The following PRRC1 variants were observed in gnomAD, a reference collection of about 807,000 sequenced individuals.
PRRC1 encodes proline rich coiled-coil 1, also known as protein PRRC1.
In PRRC1, 39 loss-of-function variants were observed where a neutral mutation model predicts 40.7. The ratio of observed to expected loss-of-function variants is 0.96; its 90% confidence interval spans 0.74 to 1.25. The LOEUF (loss-of-function observed/expected upper bound fraction) is 1.25, where lower values mean the gene tolerates loss of function less well. PRRC1 is among the 50% of genes most tolerant of loss of function. The pLI is 0.00. For missense variants in PRRC1, 573 were observed against 548.3 expected, an observed-to-expected ratio of 1.05 and a Z score of -0.45; for synonymous variants, 175 against 193.3, an observed-to-expected ratio of 0.91 and a Z score of 0.79.
chr5:127,553,747 A>T lies in PRRC1; in HGVS notation c.*1831A>T. On this transcript the variant is annotated 3_prime_UTR_variant, in exon 9 of 9. Coordinates refer to ENST00000296666, the MANE Select transcript of PRRC1 (RefSeq NM_130809.5). ...TTACCAAGTCACAAATGTCTTTTTG[A>T]TGTTTTGAGAATTGTTCTCATAGAA... 6.6e-7 allele frequency: 1 copy of T among 1,516,824 alleles called. No homozygotes were observed. Among genetic ancestry groups the T allele is most frequent in the Non-Finnish European group, 8.8e-7 (1 of 1,140,988 alleles). The allele number at this position is 1,516,824 out of a possible 1,614,324, so 94.0% of individuals were successfully genotyped here.
chr5:127,522,240 A>C (rs561541021), intron 1 of PRRC1, among the ~76,000 whole-genome samples: 1 of 152,200 alleles, frequency 6.6e-6, no homozygotes, highest in Non-Finnish European at 1.5e-5. Flanking sequence ...TTTATAATCC[A>C]TTGTTGTCTA....
intron 7 of PRRC1, among the ~76,000 whole-genome samples, chr5:127,540,066 G>A (rs1768000331): frequency 6.6e-6 from 1 of 152,062 alleles, no homozygotes; most frequent in Non-Finnish European, 1.5e-5. Flanking sequence ...GAAGGTAATT[G>A]AAATGTATTC....
chr5:127,538,629 CT>C (rs1767958751), intron 6 of PRRC1, among the ~76,000 whole-genome samples: 1 of 152,016 alleles, frequency 6.6e-6, no homozygotes, highest in East Asian at 1.9e-4. Context: ...ATATGATTGC[CT>C]ACCTGAAAAA....
Position 127,551,971 on chromosome 5 carries a change from A to G in PRRC1, c.*55A>G, listed in dbSNP as rs1169660959. 1.2e-6 allele frequency: 2 copies of G among 1,608,604 alleles called. No homozygotes were observed. Among genetic ancestry groups the G allele is most frequent in the African/African-American group, 1.3e-5 (1 of 74,832 alleles). On this transcript the variant is annotated 3_prime_UTR_variant, in exon 9 of 9. Coordinates refer to ENST00000296666, the MANE Select transcript of PRRC1 (RefSeq NM_130809.5). ...TCCCCCACTTTTAGCTTGATGTTAA[A>G]GAAGTGGTTGTACCTTCCTAAATCG...
intron 7 of PRRC1, among the ~76,000 whole-genome samples, chr5:127,540,344 C>T (rs1238465081): frequency 6.6e-6 from 1 of 151,990 alleles, no homozygotes; most frequent in African/African-American, 2.4e-5. Flanking sequence ...ACTTTTAATA[C>T]TATTCACTCC....
In PRRC1 at chr5:127,533,739, CA is replaced by C; in HGVS notation, c.875del (p.Gln292ArgfsTer15). The C allele has an allele frequency of 6.2e-7, 1 of 1,614,090 alleles. No homozygotes were observed. ...AGCTGTGGTTGTAGGGGAAGCTGGA[CA>C]GTCCAATATTGCCCCACAACCAGTG... ...GLAVVVGEAGQSNIAPQPVGY... is the reference protein window; with the variant it reads ...GLAVVVGEAGXSNIAPQPVGY... On this transcript the variant is annotated frameshift_variant, in exon 6 of 9. Transcript: ENST00000296666. LOFTEE classifies it high-confidence loss of function.
At chr5:127,521,795 G>GTA (rs961511030) in intron 1 of PRRC1, among the ~76,000 whole-genome samples, 32 of 152,038 alleles carry the variant, frequency 2.1e-4, no homozygotes, top group Admixed American at 2.0e-3. Context: ...AGCTCAGTTG[G>GTA]TATATATATT....
intron 3 of PRRC1, among the ~76,000 whole-genome samples, chr5:127,526,068 T>C (rs1172329680): frequency 6.6e-6 from 1 of 152,246 alleles, no homozygotes; most frequent in Non-Finnish European, 1.5e-5. Context: ...TTATCAAAAC[T>C]TCGTCCTTGT....
Position 127,552,846 on chromosome 5 carries a change from T to C in PRRC1, c.*930T>C, listed in dbSNP as rs149665448. On this transcript the variant is annotated 3_prime_UTR_variant, in exon 9 of 9. Coordinates refer to ENST00000296666, the MANE Select transcript of PRRC1 (RefSeq NM_130809.5). Reference sequence around the variant, plus strand: ...CTCTTACTTCAATTAAGGTTACTTATTTGGTTTGCCTTAAGCATTACTTTT... The same window carrying C: ...CTCTTACTTCAATTAAGGTTACTTACTTGGTTTGCCTTAAGCATTACTTTT... 6,595 of 984,296 alleles carry C rather than the reference T, an allele frequency of 6.7e-3. 19 individuals are homozygous for C. Among genetic ancestry groups the C allele is most frequent in the Non-Finnish European group, 7.3e-3 (6,068 of 828,544 alleles). The allele number at this position is 984,296 out of a possible 1,614,324, so 61.0% of individuals were successfully genotyped here. A position where few individuals can be genotyped will look rare whatever the true frequency, so the allele number is the denominator to read the frequency against.
chr5:127,549,751 G>A (rs1768323853), intron 8 of PRRC1: 1 of 152,142 alleles, frequency 6.6e-6, no homozygotes. Context: ...ACCCATGCCA[G>A]TTTGCTTACT....
chr5:127,547,238 G>T (rs531543344), intron 7 of PRRC1, among the ~76,000 whole-genome samples: 2 of 152,022 alleles, frequency 1.3e-5, no homozygotes, highest in South Asian at 2.1e-4. Context: ...TGATATATAA[G>T]TCTCTTTAAA....
In PRRC1 at chr5:127,552,994, ATATAT is replaced by A. The variant is rs139986598; in HGVS notation, c.*1084_*1088del. 3.0e-3 allele frequency: 2,333 copies of A among 782,158 alleles called. 33 individuals are homozygous for A. The East Asian group carries it at 0.032, about 11-fold the overall frequency. 48.5% of individuals were successfully genotyped at this position (782,158 alleles called of 1,614,324 possible). A position where few individuals can be genotyped will look rare whatever the true frequency, so the allele number is the denominator to read the frequency against. The stretch of plus-strand genomic sequence containing the variant: ...CGTGGAAGCCTTTTCCCCTCAAATA[ATATAT>A]TATATCATTTTTGGACTTATATAAA... On this transcript the variant is annotated 3_prime_UTR_variant, in exon 9 of 9. Coordinates refer to ENST00000296666, the MANE Select transcript of PRRC1 (RefSeq NM_130809.5).
intron 7 of PRRC1, among the ~76,000 whole-genome samples, chr5:127,542,531 G>C (rs1298240901): frequency 3.0e-4 from 46 of 151,486 alleles, no homozygotes; most frequent in African/African-American, 1.1e-3. Context: ...AGGTCACTCA[G>C]GACTTGCTTT....
chr5:127,522,034 G>A (rs567305002), intron 1 of PRRC1, among the ~76,000 whole-genome samples: 10 of 152,252 alleles, frequency 6.6e-5, no homozygotes, highest in African/African-American at 2.4e-4. Context: ...GTACTAGACT[G>A]TAAGTATCCT....
chr5:127,544,317 GGGGGTCA>G (rs1315763809), intron 7 of PRRC1, among the ~76,000 whole-genome samples: 5 of 152,196 alleles, frequency 3.3e-5, no homozygotes, highest in Non-Finnish European at 2.9e-5. Flanking sequence ...TAGGCTGCTC[GGGGGTCA>G]GGGGTCAGGG....
In PRRC1 at chr5:127,554,035, C is replaced by A; in HGVS notation, c.*2119C>A. 1.2e-6 allele frequency: 1 copy of A among 808,580 alleles called. No individual in the cohort carries two copies. Among genetic ancestry groups the A allele is most frequent in the Non-Finnish European group, 1.8e-6 (1 of 542,466 alleles). The allele number at this position is 808,580 out of a possible 1,614,324, so 50.1% of individuals were successfully genotyped here. ...CGGAGCATGACTGACTTCACATGCTCAGCTTTCTCAGCCTTTTGTTTATTT... is the reference window on the plus strand; with the variant it reads ...CGGAGCATGACTGACTTCACATGCTAAGCTTTCTCAGCCTTTTGTTTATTT... On this transcript the variant is annotated 3_prime_UTR_variant, in exon 9 of 9. Coordinates refer to ENST00000296666, the MANE Select transcript of PRRC1 (RefSeq NM_130809.5).
chr5:127,532,959 TG>T (rs1286715404), intron 5 of PRRC1, among the ~76,000 whole-genome samples: 1 of 152,202 alleles, frequency 6.6e-6, no homozygotes, highest in African/African-American at 2.4e-5. Flanking sequence ...TTGGTCAAAT[TG>T]ATCTGTCTAG....
At chr5:127,540,069 A>G (rs1297956103) in intron 7 of PRRC1, among the ~76,000 whole-genome samples, 2 of 152,080 alleles carry the variant, frequency 1.3e-5, no homozygotes, top group Non-Finnish European at 2.9e-5. Flanking sequence ...GGTAATTGAA[A>G]TGTATTCTTG....
chr5:127,540,321 TA>T (rs1233448890), intron 7 of PRRC1, among the ~76,000 whole-genome samples: 2 of 152,172 alleles, frequency 1.3e-5, no homozygotes, highest in African/African-American at 2.4e-5. Context: ...TAACTTGTGA[TA>T]ATACTAGTAC....
Sources: gnomAD v4.1 joint callset for allele counts (sites outside exome capture counted in the v4.1 genomes callset) on GRCh38, gnomAD v4.1.1 for gene constraint, MANE v1.5 for transcripts, NCBI Gene and HGNC (gene_info 2026-07-23, HGNC 2026-07-21) for gene names.